Variants in COL24A1 observed in about 807,000 individuals in gnomAD.
COL24A1 encodes collagen alpha-1(XXIV) chain.
A neutral mutation model predicts 253.9 loss-of-function variants in COL24A1; 224 were observed. The ratio of observed to expected loss-of-function variants is 0.88; its 90% CI spans 0.79 to 0.99. COL24A1 has a LOEUF of 0.99. Ranked by LOEUF, COL24A1 falls within the 50% of genes least tolerant of loss-of-function variation. The pLI is 0.00. For missense variants in COL24A1, 2,131 were observed against 2,068.5 expected (o/e 1.03, Z -0.59); for synonymous variants, 685 against 673.7 (o/e 1.02, Z -0.26).
At chr1:85,896,641 G>A (rs1296705710) in intron 28 of COL24A1, among the ~76,000 whole-genome samples, 2 of 152,068 alleles carry the variant, frequency 1.3e-5, no homozygotes, top group African/African-American at 4.8e-5. Flanking sequence ...GGGACTACAG[G>A]CGCTCGCCAC....
intron 43 of COL24A1, among the ~76,000 whole-genome samples, chr1:85,834,780 A>G (rs562397373): frequency 1.9e-4 from 29 of 152,288 alleles, no homozygotes; most frequent in African/African-American, 7.0e-4. Context: ...TGTTGCCAGG[A>G]TAATACATTT....
At chr1:85,978,619 A>T (rs1692931696) in intron 20 of COL24A1, among the ~76,000 whole-genome samples, 3 of 152,200 alleles carry the variant, frequency 2.0e-5, no homozygotes, top group Non-Finnish European at 2.9e-5. Flanking sequence ...TGATAAAAGG[A>T]TCAGTCCAAC....
At chr1:85,741,707 T>G (rs1157264277) in intron 57 of COL24A1, among the ~76,000 whole-genome samples, 1 of 152,024 alleles carries the variant, frequency 6.6e-6, no homozygotes, top group African/African-American at 2.4e-5. Flanking sequence ...GAAAGTTCAT[T>G]GCTGTTTGTT....
chr1:86,026,612 A>G (rs1421513174), intron 14 of COL24A1, among the ~76,000 whole-genome samples: 1 of 152,218 alleles, frequency 6.6e-6, no homozygotes, highest in East Asian at 1.9e-4. Context: ...CTGTGAGTCA[A>G]TTAAATCTCT....
chr1:85,993,526 A>C (rs779371841), intron 19 of COL24A1, among the ~76,000 whole-genome samples: 2 of 152,060 alleles, frequency 1.3e-5, no homozygotes, highest in Non-Finnish European at 2.9e-5. Context: ...GACAAAGAGC[A>C]GATCAGAAGT....
intron 35 of COL24A1, among the ~76,000 whole-genome samples, chr1:85,873,940 T>A (rs1680845438): frequency 6.6e-6 from 1 of 152,190 alleles, no homozygotes. Flanking sequence ...CTGGCTCTCT[T>A]GATACTAAAA....
At chr1:85,781,497 A>G (rs908142053) in intron 51 of COL24A1, among the ~76,000 whole-genome samples, 30 of 152,150 alleles carry the variant, frequency 2.0e-4, no homozygotes, top group African/African-American at 7.2e-4. Flanking sequence ...CATCTGTATA[A>G]TTTCTAAAAA....
chr1:86,156,553 GA>G lies in COL24A1; in HGVS notation c.-158del. Reference sequence around the variant, plus strand: ...CAAGAAAAAAAGGAGGGGAGGGGGTGAAGTCGGGAGGAGGTAGGAAATAGCA... The same window carrying G: ...CAAGAAAAAAAGGAGGGGAGGGGGTGAGTCGGGAGGAGGTAGGAAATAGCA... On this transcript the variant is annotated 5_prime_UTR_variant, in exon 1 of 60. Transcript: ENST00000370571. 1 of 561,396 alleles carries G rather than the reference GA, an allele frequency of 1.8e-6. No individual in the cohort carries two copies. The highest frequency in any genetic ancestry group is 2.9e-6 in the Non-Finnish European group (1 of 343,960). 34.8% of individuals were successfully genotyped at this position (561,396 alleles called of 1,614,324 possible).
intron 43 of COL24A1, among the ~76,000 whole-genome samples, chr1:85,831,764 G>C (rs1219196814): frequency 6.6e-6 from 1 of 152,016 alleles, no homozygotes; most frequent in East Asian, 1.9e-4. Context: ...AATAGCATGG[G>C]AAATAAAGGG....
In COL24A1 at chr1:85,786,425, C is replaced by T. The variant is rs1669693137; in HGVS notation, c.3988G>A (p.Gly1330Arg). ...TTTACTCCTGGAGGACCTGGAGCCC[C>T]AGCAAGACCTGTTCTTCCTGGGCCG... ...RGGPGRTGLA[G>R]APGPPGVKGS... Residue 1330 changes from glycine to arginine, a missense_variant, in exon 48 of 60, where the codon GGG becomes AGG. Transcript: ENST00000370571. 1.9e-6 allele frequency: 3 copies of T among 1,613,666 alleles called. No individual in the cohort carries two copies. Among genetic ancestry groups the T allele is most frequent in the Non-Finnish European group, 2.5e-6 (3 of 1,179,818 alleles).
chr1:86,002,360 C>T (rs1319930131), intron 19 of COL24A1, among the ~76,000 whole-genome samples: 1 of 152,252 alleles, frequency 6.6e-6, no homozygotes, highest in East Asian at 1.9e-4. Flanking sequence ...GCCCCAGTTA[C>T]AGCTGCTTTG....
intron 53 of COL24A1, 90 bp from the exon 54 acceptor site, chr1:85,761,656 C>T: frequency 7.9e-7 from 1 of 1,261,988 alleles, no homozygotes; most frequent in Admixed American, 1.8e-5. Flanking sequence ...TCTGTAACTG[C>T]CTTTCGTGCC....
intron 10 of COL24A1, among the ~76,000 whole-genome samples, chr1:86,056,162 G>A (rs1700649669): frequency 6.7e-6 from 1 of 150,346 alleles, no homozygotes; most frequent in Non-Finnish European, 1.5e-5. Flanking sequence ...CCATGTTCTT[G>A]ACCACTAATC....
At chr1:86,059,530 A>G (rs72960348) in intron 8 of COL24A1, among the ~76,000 whole-genome samples, 125 of 152,246 alleles carry the variant, frequency 8.2e-4, no homozygotes, top group African/African-American at 2.7e-3. Flanking sequence ...ATCATCCTAC[A>G]ACACTCCTTA....
rs114960733 is a variant in COL24A1, at chr1:86,146,096, A to C, written c.121+23T>G. 3.8e-6 allele frequency: 6 copies of C among 1,587,230 alleles called. No individual in the cohort carries two copies. In the East Asian group the frequency reaches 1.3e-4, roughly 36 times the overall value. On this transcript the variant is annotated intron_variant, in intron 2 of 59. Transcript: ENST00000370571. ...AAGTAGAATTTTTAAGTAAGCAAATAAATTAAAAGGTAATTTTCTTACCTT... is the reference window on the plus strand; with the variant it reads ...AAGTAGAATTTTTAAGTAAGCAAATCAATTAAAAGGTAATTTTCTTACCTT...
At position 85,889,641 on chromosome 1, in the gene COL24A1, G is replaced by A. The variant is rs111478251; in HGVS notation, c.2923-28C>T. 9,588 of 1,598,820 alleles carry A rather than the reference G, an allele frequency of 6.0e-3. 34 individuals are homozygous for A. The highest frequency in any genetic ancestry group is 6.9e-3 in the Non-Finnish European group (8,070 of 1,167,068). On this transcript the variant is annotated intron_variant, in intron 31 of 59. Coordinates refer to ENST00000370571, the MANE Select transcript of COL24A1 (RefSeq NM_152890.7). ...GGACAAATAAAGGCAATACTTGTAG[G>A]AAAAGTGGTGTGTGAAGATGTTTTA...
chr1:85,738,183 A>G (rs1022280678), intron 57 of COL24A1, among the ~76,000 whole-genome samples: 5 of 152,222 alleles, frequency 3.3e-5, no homozygotes, highest in African/African-American at 1.2e-4. Flanking sequence ...TTAATGAAGT[A>G]TATGTGTATA....
intron 18 of COL24A1, 65 bp downstream of exon 18, chr1:86,022,175 T>G: frequency 7.2e-7 from 1 of 1,385,600 alleles, no homozygotes; most frequent in Non-Finnish European, 1.0e-6. Flanking sequence ...ATCAACAGTG[T>G]CGAGACTCAT....
At chr1:86,088,490 A>T (rs2101952072) in intron 7 of COL24A1, among the ~76,000 whole-genome samples, 1 of 152,244 alleles carries the variant, frequency 6.6e-6, no homozygotes, top group East Asian at 1.9e-4. Flanking sequence ...GACCAGGTAG[A>T]AAAGAAGTTA....
Sources: allele counts gnomAD v4.1 joint callset (sites outside exome capture counted in the v4.1 genomes callset), GRCh38; gene constraint gnomAD v4.1.1; transcripts MANE v1.5; gene names NCBI Gene and HGNC (gene_info 2026-07-23, HGNC 2026-07-21).